The following UBE3C variants were observed in gnomAD, a reference collection of about 807,000 sequenced individuals.
The protein encoded by UBE3C is ubiquitin-protein ligase E3C.
A neutral mutation model predicts 129.4 loss-of-function variants in UBE3C; 42 were observed. The observed-to-expected ratio is 0.32, with a 90% CI of 0.25 to 0.42. The LOEUF (loss-of-function observed/expected upper bound fraction) is 0.42. Ranked by LOEUF, UBE3C falls within the 10% of genes least tolerant of loss-of-function variation. The pLI, the probability that UBE3C is intolerant of heterozygous loss-of-function variation, is 1.00. For missense variants in UBE3C, 1,049 were observed against 1,319.1 expected, an observed-to-expected ratio of 0.80 and a Z score of 3.17; for synonymous variants, 510 against 492.4, an observed-to-expected ratio of 1.04 and a Z score of -0.47.
At chr7:157,260,489 G>A (rs947062671) in intron 22 of UBE3C, among the ~76,000 whole-genome samples, 1 of 152,214 alleles carries the variant, frequency 6.6e-6, no homozygotes, top group African/African-American at 2.4e-5. Context: ...CCTGTGTGGT[G>A]GCAGAGTCTG....
chr7:157,174,164 A>G (rs1586662726), intron 4 of UBE3C, among the ~76,000 whole-genome samples: 2 of 152,136 alleles, frequency 1.3e-5, no homozygotes, highest in South Asian at 4.1e-4. Context: ...GGAGTTCGAG[A>G]CCAGCCTGGC....
chr7:157,220,824 T>G, intron 15 of UBE3C, 48 bp downstream of exon 15: 1 of 1,585,674 alleles, frequency 6.3e-7, no homozygotes, highest in Non-Finnish European at 8.6e-7. Flanking sequence ...TTACATGCTG[T>G]CAAATTCACT....
chr7:157,262,929 TG>T (rs1225238527), intron 22 of UBE3C: 1 of 152,192 alleles, frequency 6.6e-6, no homozygotes, highest in Non-Finnish European at 1.5e-5. Context: ...TTGACTACAA[TG>T]GTTAGAAGGT....
At chr7:157,245,934 T>C (rs1796460733) in intron 18 of UBE3C, among the ~76,000 whole-genome samples, 2 of 135,490 alleles carry the variant, frequency 1.5e-5, no homozygotes, top group South Asian at 4.5e-4. Flanking sequence ...GAGGCTGCAG[T>C]GAGCCGAGAT....
chr7:157,171,710 T>A lies in UBE3C; in HGVS notation c.342+1260T>A, dbSNP rs1211169195. On this transcript the variant is annotated intron_variant, in intron 4 of 22. Coordinates refer to ENST00000348165, the MANE Select transcript of UBE3C (RefSeq NM_014671.3). ...TATTTTTTTTTTTTTTTTTTTTTTT[T>A]TTTTTTTTTTTTTTGAGACAGAGTC... Among the ~76,000 whole-genome samples, 51 of 61,468 alleles carry A rather than the reference T, an allele frequency of 8.3e-4. 3 individuals carry two copies. The highest frequency in any genetic ancestry group is 1.9e-3 in the African/African-American group (18 of 9,664). The allele number at this position is 61,468 out of a possible 152,430, so 40.3% of individuals were successfully genotyped here. A position where few individuals can be genotyped will look rare whatever the true frequency, so the allele number is the denominator to read the frequency against.
intron 10 of UBE3C, among the ~76,000 whole-genome samples, chr7:157,191,599 C>T (rs532087426): frequency 6.6e-6 from 1 of 152,296 alleles, no homozygotes; most frequent in Non-Finnish European, 1.5e-5. Context: ...CGCCCAGCCC[C>T]TCGTGTGTTT....
At chr7:157,251,098 T>A (rs923113883) in intron 19 of UBE3C, among the ~76,000 whole-genome samples, 6 of 152,174 alleles carry the variant, frequency 3.9e-5, no homozygotes, top group African/African-American at 7.2e-5. Context: ...TGAGAAAAAT[T>A]AAGAAATTCA....
rs570247806 is a variant in UBE3C, at chr7:157,223,221, G to A, written c.2003-33G>A. ...AGTGGGAATGCAGGGGAAAGTACAA[G>A]TGAACTAATTAAGGTTTTAAAATGT... On this transcript the variant is annotated intron_variant, in intron 15 of 22. Transcript: ENST00000348165. 8 of 1,603,484 alleles carry A rather than the reference G, an allele frequency of 5.0e-6. No individual in the cohort carries two copies. In the East Asian group the frequency reaches 1.6e-4, roughly 31 times the overall value.
chr7:157,199,578 C>G (rs950703114), intron 10 of UBE3C, among the ~76,000 whole-genome samples: 3 of 151,952 alleles, frequency 2.0e-5, no homozygotes, highest in Non-Finnish European at 4.4e-5. Context: ...TCAGGCAATT[C>G]TCCTGCCTCA....
chr7:157,183,428 C>G (rs10267463), intron 8 of UBE3C, among the ~76,000 whole-genome samples: 9 of 152,038 alleles, frequency 5.9e-5, no homozygotes, highest in Non-Finnish European at 8.8e-5. Flanking sequence ...TCCACACTCT[C>G]GGCACCTCCC....
At position 157,249,311 on chromosome 7, in the gene UBE3C, C is replaced by T. The variant is rs146824340; in HGVS notation, c.2694+731C>T. ...TGGGCCTGCTGTGGACACTTCACAT[C>T]GATAGAGTCTTTTTTTTTTTTGAGA... On this transcript the variant is annotated intron_variant, in intron 19 of 22. Coordinates refer to ENST00000348165, the MANE Select transcript of UBE3C (RefSeq NM_014671.3). 1.8e-4 allele frequency among the ~76,000 whole-genome samples: 27 copies of T among 151,764 alleles called. 1 individual carries two copies. The East Asian group carries it at 4.5e-3, about 25-fold the overall frequency.
At position 157,186,851 on chromosome 7, in the gene UBE3C, A is replaced by G. The variant is rs1390717502; in HGVS notation, c.1161A>G (p.Ser387=). 4 of 1,614,106 alleles carry G rather than the reference A, an allele frequency of 2.5e-6. No individual in the cohort carries two copies. The highest frequency in any genetic ancestry group is 2.7e-5 in the African/African-American group (2 of 74,942). ...TGTTCTAGGAGGATGGCAGACTGTC[A>G]GTATCATACATAACAGAGGAATGCC... ...KPSSPEDGRL[S]VSYITEECLK... Residue 387 remains serine (S), a synonymous_variant, in exon 10 of 23, where the codon TCA becomes TCG. Coordinates refer to ENST00000348165, the MANE Select transcript of UBE3C (RefSeq NM_014671.3).
rs1199621833 is a variant in UBE3C at position 157,174,781 on chromosome 7, AT to A, written c.343-137del. 6 of 612,726 alleles carry A rather than the reference AT, an allele frequency of 9.8e-6. 1 individual carries two copies. Among genetic ancestry groups the A allele is most frequent in the African/African-American group, 7.6e-5 (4 of 52,822 alleles). The allele number at this position is 612,726 out of a possible 1,614,324, so 38.0% of individuals were successfully genotyped here. A position where few individuals can be genotyped will look rare whatever the true frequency, so the allele number is the denominator to read the frequency against. On this transcript the variant is annotated intron_variant, in intron 4 of 22. Coordinates refer to ENST00000348165, the MANE Select transcript of UBE3C (RefSeq NM_014671.3). ...TACCTCTAAATAAAACCGACTTAGA[AT>A]ATTTACTTCTTAACCATCTTTTGAT...
chr7:157,240,212 G>A (rs780964646), intron 18 of UBE3C, among the ~76,000 whole-genome samples: 5 of 151,968 alleles, frequency 3.3e-5, no homozygotes, highest in Admixed American at 1.3e-4. Context: ...CCACCACCAC[G>A]CCCGGCTAAT....
chr7:157,168,780 A>C (rs1429355404), intron 2 of UBE3C, among the ~76,000 whole-genome samples: 1 of 152,244 alleles, frequency 6.6e-6, no homozygotes, highest in Non-Finnish European at 1.5e-5. Context: ...TGCCAGGGGC[A>C]AGAGAAGGGA....
chr7:157,257,126 G>A, intron 22 of UBE3C, 82 bp downstream of exon 22: 1 of 1,554,124 alleles, frequency 6.4e-7, no homozygotes, highest in South Asian at 1.2e-5. Context: ...GTTAAATGAA[G>A]TCCTTTTACA....
chr7:157,178,815 T>G lies in UBE3C; in HGVS notation c.584T>G (p.Ile195Ser). Residue 195 changes from isoleucine (I) to serine (S), a missense_variant, in exon 6 of 23, where the codon ATT becomes AGT. Coordinates refer to ENST00000348165, the MANE Select transcript of UBE3C (RefSeq NM_014671.3). ...GATGCTAGCTATGTGGTGTCAGTGA[T>G]TGAACAAATTTTGCACTACATGATT... ...LQDASYVVSV[I>S]EQILHYMIHN... is the part of the protein sequence containing the mutation. 1 of 1,614,214 alleles carries G rather than the reference T, an allele frequency of 6.2e-7. No individual in the cohort carries two copies. The highest frequency in any genetic ancestry group is 8.5e-7 in the Non-Finnish European group (1 of 1,180,026).
intron 21 of UBE3C, 81 bp from the exon 22 acceptor site, chr7:157,256,833 G>A (rs1357154242): frequency 1.3e-6 from 2 of 1,551,006 alleles, no homozygotes; most frequent in Admixed American, 2.0e-5. Flanking sequence ...TAGTTTCCGT[G>A]GGTGTCTGGA....
chr7:157,262,483 A>G (rs1796946188), intron 22 of UBE3C, among the ~76,000 whole-genome samples: 1 of 118,032 alleles, frequency 8.5e-6, no homozygotes, highest in Non-Finnish European at 1.6e-5. Context: ...ACAATGGCCC[A>G]TCTCAGCTCG....
Sources: gnomAD v4.1 joint callset for allele counts (sites outside exome capture counted in the v4.1 genomes callset) on GRCh38, gnomAD v4.1.1 for gene constraint, MANE v1.5 for transcripts, NCBI Gene and HGNC (gene_info 2026-07-23, HGNC 2026-07-21) for gene names.